The following KLF17 variants were observed in gnomAD, a reference collection of about 807,000 sequenced individuals.
KLF17 encodes KLF transcription factor 17, also known as Krueppel-like factor 17.
In KLF17, 31 loss-of-function variants were observed where a neutral mutation model predicts 34.2. The observed-to-expected ratio is 0.91, with a 90% CI of 0.68 to 1.22. The LOEUF (loss-of-function observed/expected upper bound fraction) is 1.22. Ranked by LOEUF, KLF17 falls within the 50% of genes most tolerant of loss-of-function variation. KLF17 has a pLI of 0.00. For missense variants in KLF17, 478 were observed against 505.2 expected (o/e 0.95, Z 0.52); for synonymous variants, 179 against 186.7 (o/e 0.96, Z 0.34).
chr1:44,124,495 ATTT>A (rs35952182), intron 1 of KLF17, among the ~76,000 whole-genome samples: 1 of 112,396 alleles, frequency 8.9e-6, no homozygotes. Flanking sequence ...CACTTGGCTA[ATTT>A]TTTTTTTTTT....
At chr1:44,060,663 C>T in the KLF17 span, among the ~76,000 whole-genome samples, 1 of 152,100 alleles carries the variant, frequency 6.6e-6, no homozygotes, top group African/African-American at 2.4e-5. Context: ...CTACTCAACC[C>T]TAGTCAACCC....
intron 3 of KLF17, among the ~76,000 whole-genome samples, chr1:44,132,658 T>C (rs543438594): frequency 3.3e-5 from 5 of 152,306 alleles, no homozygotes; most frequent in African/African-American, 1.2e-4. Flanking sequence ...TCTAGGTGAC[T>C]GAGGACTAGG....
rs990632177 is a variant in KLF17 at position 44,122,406 on chromosome 1, A to G, written c.81+3418A>G. 1.6e-5 allele frequency: 26 copies of G among 1,581,638 alleles called. No individual in the cohort carries two copies. In the African/African-American group the frequency reaches 2.2e-4, roughly 13 times the overall value. The stretch of plus-strand genomic sequence containing the variant: ...TTTCACAGCTTTAAGATGTGTATTC[A>G]TGCTGACATCCACACCTGTGACTGT... On this transcript the variant is annotated intron_variant, in intron 1 of 3. Coordinates refer to ENST00000372299, the MANE Select transcript of KLF17 (RefSeq NM_173484.4).
the KLF17 span, among the ~76,000 whole-genome samples, chr1:44,101,170 C>T: frequency 1.3e-5 from 2 of 152,172 alleles, no homozygotes; most frequent in African/African-American, 4.8e-5. Flanking sequence ...CCTTTTACCA[C>T]ATTTGCTCTA....
rs1301485123 is a variant in KLF17 at position 44,134,321 on chromosome 1, AG to A, written c.*1085del. On this transcript the variant is annotated 3_prime_UTR_variant, in exon 4 of 4. Transcript: ENST00000372299. The stretch of plus-strand genomic sequence containing the variant: ...CGAGGCAGGCGGATCATTTGAGGTT[AG>A]AGATTCGAGACCAGCCGGGCCAACA... 6.6e-6 allele frequency: 1 copy of A among 152,232 alleles called. No homozygotes were observed. The highest frequency in any genetic ancestry group is 2.4e-5 in the African/African-American group (1 of 41,440). The allele number at this position is 152,232 out of a possible 1,614,324, so 9.4% of individuals were successfully genotyped here. A position where few individuals can be genotyped will look rare whatever the true frequency, so the allele number is the denominator to read the frequency against.
upstream of KLF17, chr1:44,116,005 A>T (rs2087876424): frequency 6.6e-6 from 1 of 152,172 alleles, no homozygotes; most frequent in African/African-American, 2.4e-5. Context: ...GAAAATATGA[A>T]ATTTGAATTA....
chr1:44,091,635 CAAAA>C, the KLF17 span, among the ~76,000 whole-genome samples: 3 of 79,034 alleles, frequency 3.8e-5, no homozygotes, highest in African/African-American at 4.8e-5. Context: ...GACTCCATCT[CAAAA>C]AAAAAAAAAA....
Position 44,129,624 on chromosome 1 carries a change from C to CT in KLF17, c.354dup (p.Pro119SerfsTer70), listed in dbSNP as rs2088078238. The CT allele has an allele frequency of 1.9e-6, 3 of 1,614,040 alleles. No homozygotes were observed. The highest frequency in any genetic ancestry group is 2.5e-6 in the Non-Finnish European group (3 of 1,180,044). Reference sequence around the variant, plus strand: ...CGGATGATTTACTGTCAGAGAATGTCTCCCCCTCAGCAAGAGATGACGATT... The same window carrying CT: ...CGGATGATTTACTGTCAGAGAATGTCTTCCCCCTCAGCAAGAGATGACGATT... On this transcript the variant is annotated frameshift_variant, in exon 2 of 4. Transcript: ENST00000372299. LOFTEE classifies it high-confidence loss of function.
intron 1 of KLF17, among the ~76,000 whole-genome samples, chr1:44,126,246 C>T (rs1427037759): frequency 2.0e-5 from 3 of 151,894 alleles, no homozygotes; most frequent in East Asian, 3.9e-4. Flanking sequence ...GGGATGGTCT[C>T]GATCTTCTGA....
At chr1:44,050,643 A>G in the KLF17 span, among the ~76,000 whole-genome samples, 1 of 152,190 alleles carries the variant, frequency 6.6e-6, no homozygotes, top group African/African-American at 2.4e-5. Flanking sequence ...TTGGCCGGCC[A>G]CAGTGGCTCA....
Position 44,118,851 on chromosome 1 carries a change from C to T in KLF17, c.-57C>T. 1 of 1,384,634 alleles carries T rather than the reference C, an allele frequency of 7.2e-7. No individual in the cohort carries two copies. Among genetic ancestry groups the T allele is most frequent in the Non-Finnish European group, 9.8e-7 (1 of 1,020,436 alleles). 85.8% of individuals were successfully genotyped at this position (1,384,634 alleles called of 1,614,324 possible). A position where few individuals can be genotyped will look rare whatever the true frequency, so the allele number is the denominator to read the frequency against. The stretch of plus-strand genomic sequence containing the variant: ...GATGTACCGATACCCGCCTGCGACG[C>T]CGTGGTGGCTGGTTCCCTGTCTCTT... On this transcript the variant is annotated 5_prime_UTR_variant, in exon 1 of 4. Coordinates refer to ENST00000372299, the MANE Select transcript of KLF17 (RefSeq NM_173484.4).
chr1:44,083,963 T>C, the KLF17 span, among the ~76,000 whole-genome samples: 1 of 152,224 alleles, frequency 6.6e-6, no homozygotes, highest in East Asian at 1.9e-4. Flanking sequence ...TCTTCATGTA[T>C]ATTCAACCTC....
the KLF17 span, chr1:44,104,204 C>T: frequency 1.8e-6 from 2 of 1,081,368 alleles, no homozygotes; most frequent in East Asian, 2.4e-5. Context: ...CAAATTGATT[C>T]TCCATCTCTG....
chr1:44,057,395 A>C, the KLF17 span, among the ~76,000 whole-genome samples: 3 of 152,216 alleles, frequency 2.0e-5, no homozygotes, highest in African/African-American at 7.2e-5. Context: ...TGGAACTTTT[A>C]GATGCTGTCC....
chr1:44,092,893 A>C, the KLF17 span, among the ~76,000 whole-genome samples: 1 of 152,202 alleles, frequency 6.6e-6, no homozygotes, highest in Non-Finnish European at 1.5e-5. Context: ...AAAAAAGGAA[A>C]ACCATCTTGA....
the KLF17 span, among the ~76,000 whole-genome samples, chr1:44,081,184 C>T: frequency 6.8e-6 from 1 of 147,330 alleles, no homozygotes; most frequent in Non-Finnish European, 1.5e-5. Flanking sequence ...CAAGATAGCG[C>T]CATTGCACTC....
At chr1:44,062,854 A>C in the KLF17 span, among the ~76,000 whole-genome samples, 4 of 152,244 alleles carry the variant, frequency 2.6e-5, no homozygotes, top group Non-Finnish European at 5.9e-5. Context: ...CTAAACATGC[A>C]TACACTCTGT....
the KLF17 span, among the ~76,000 whole-genome samples, chr1:44,083,661 G>T: frequency 2.0e-5 from 3 of 152,092 alleles, no homozygotes; most frequent in Non-Finnish European, 4.4e-5. Context: ...GGGCATGGTG[G>T]CGGGTGCCTG....
At chr1:44,087,799 C>T in the KLF17 span, among the ~76,000 whole-genome samples, 4 of 130,938 alleles carry the variant, frequency 3.1e-5, no homozygotes, top group Non-Finnish European at 6.7e-5. Flanking sequence ...CACACACACA[C>T]ACGCATATAT....
Sources: gnomAD v4.1 joint callset for allele counts (sites outside exome capture counted in the v4.1 genomes callset) on GRCh38, gnomAD v4.1.1 for gene constraint, MANE v1.5 for transcripts, NCBI Gene and HGNC (gene_info 2026-07-23, HGNC 2026-07-21) for gene names.